PTAFR: variants seen among roughly 807,000 people sequenced by gnomAD.
PTAFR encodes the protein platelet activating factor receptor.
A neutral mutation model predicts 14.7 loss-of-function variants in PTAFR; 8 were observed. That is an observed-to-expected ratio of 0.54 (90% CI 0.32 to 0.98). The LOEUF (loss-of-function observed/expected upper bound fraction) is 0.98, where lower values mean the gene tolerates loss of function less well. Ranked by LOEUF, PTAFR falls within the 50% of genes least tolerant of loss-of-function variation. The pLI is 0.04. For synonymous variants in PTAFR, 156 were observed against 176.5 expected, an observed-to-expected ratio of 0.88 and a Z score of 0.92; for missense variants, 337 against 451.2, an observed-to-expected ratio of 0.75 and a Z score of 2.29.
chr1:28,150,413 G>A lies in PTAFR; in HGVS notation c.609C>T (p.Leu203=), dbSNP rs373615624. ...FSFFLVFLII[L]FCNLVIIRTL... ...TACGGATGATGACCAGGTTGCAGAA[G>A]AGGATGATGAGGAAGACCAGGAAGA... The change falls in exon 2 of 2, where the codon CTC becomes CTT. Residue 203 remains leucine, a synonymous_variant. Coordinates refer to ENST00000373857, the MANE Select transcript of PTAFR (RefSeq NM_000952.5). The surrounding 1 kb of genome is among the most constrained non-coding windows in gnomAD (Gnocchi z 6.3). The A allele has an allele frequency of 1.2e-6, 2 of 1,613,886 alleles. No individual in the cohort carries two copies. The highest frequency in any genetic ancestry group is 1.7e-6 in the Non-Finnish European group (2 of 1,179,926).
chr1:28,163,471 C>G, intron 1 of PTAFR, among the ~76,000 whole-genome samples: 1 of 152,202 alleles, frequency 6.6e-6, no homozygotes, highest in East Asian at 1.9e-4. Flanking sequence ...ACAGTCTCCC[C>G]AGGGGAGCTG....
intron 1 of PTAFR, among the ~76,000 whole-genome samples, chr1:28,155,418 T>C (rs1474200240): frequency 6.6e-6 from 1 of 151,968 alleles, no homozygotes; most frequent in Non-Finnish European, 1.5e-5. Context: ...ACCATGTTGG[T>C]CAGGCTGATC....
chr1:28,155,731 G>A (rs1239465969), intron 1 of PTAFR, among the ~76,000 whole-genome samples: 1 of 151,774 alleles, frequency 6.6e-6, no homozygotes, highest in Non-Finnish European at 1.5e-5. Context: ...AGCAAGGCAT[G>A]GTGGTGCACT....
At chr1:28,167,950 CTTTTTTTTTTT>C (rs33965504) in intron 1 of PTAFR, among the ~76,000 whole-genome samples, 1 of 38,150 alleles carries the variant, frequency 2.6e-5, no homozygotes, top group African/African-American at 1.2e-4. Context: ...AAAACCAGAT[CTTTTTTTTTTT>C]TTTTTTTTTT....
chr1:28,186,227 C>T (rs903670964), intron 1 of PTAFR, among the ~76,000 whole-genome samples: 27 of 152,160 alleles, frequency 1.8e-4, no homozygotes, highest in Admixed American at 1.5e-3. Context: ...TCAGGTGATC[C>T]GCCTTCCTCG....
At chr1:28,178,544 A>T (rs1646536594), upstream of PTAFR, among the ~76,000 whole-genome samples, 1 of 151,960 alleles carries the variant, frequency 6.6e-6, no homozygotes, top group African/African-American at 2.4e-5. Flanking sequence ...TACAGGCATG[A>T]CCCACCGCGC....
At chr1:28,173,437 T>A (rs1646475285) in intron 1 of PTAFR, among the ~76,000 whole-genome samples, 1 of 151,676 alleles carries the variant, frequency 6.6e-6, no homozygotes, top group South Asian at 2.1e-4. Flanking sequence ...AAACCCCACC[T>A]CTACAAAAAA....
intron 1 of PTAFR, among the ~76,000 whole-genome samples, chr1:28,169,343 G>A (rs1479409593): frequency 1.3e-5 from 2 of 151,586 alleles, no homozygotes; most frequent in Admixed American, 6.6e-5. Flanking sequence ...AAATTTGAAA[G>A]TACATTGTGT....
chr1:28,175,493 G>C (rs944408370), intron 1 of PTAFR, among the ~76,000 whole-genome samples: 1 of 151,862 alleles, frequency 6.6e-6, no homozygotes, highest in Non-Finnish European at 1.5e-5. Flanking sequence ...GAACACAGCT[G>C]GGTATTCAGT....
At chr1:28,186,408 A>G (rs1646606836) in intron 1 of PTAFR, among the ~76,000 whole-genome samples, 2 of 152,238 alleles carry the variant, frequency 1.3e-5, no homozygotes, top group Admixed American at 1.3e-4. Context: ...CAAAATACAA[A>G]TTCTTTCCAA....
At chr1:28,158,834 G>A (rs1267161143) in intron 1 of PTAFR, among the ~76,000 whole-genome samples, 5 of 152,192 alleles carry the variant, frequency 3.3e-5, no homozygotes. Flanking sequence ...TGGATTTGGG[G>A]AAGATGGCTT....
intron 1 of PTAFR, among the ~76,000 whole-genome samples, chr1:28,168,218 T>G (rs1051590057): frequency 6.1e-5 from 9 of 147,224 alleles, no homozygotes; most frequent in African/African-American, 2.0e-4. Flanking sequence ...TGATCCGCCC[T>G]CCTCGGCCAC....
At chr1:28,189,076 T>C (rs904973025) in intron 1 of PTAFR, among the ~76,000 whole-genome samples, 2 of 152,260 alleles carry the variant, frequency 1.3e-5, no homozygotes, top group Non-Finnish European at 2.9e-5. Context: ...ACAGTGCAAC[T>C]GCCACTACTA....
At chr1:28,189,111 A>G (rs1396513928) in intron 1 of PTAFR, among the ~76,000 whole-genome samples, 4 of 152,298 alleles carry the variant, frequency 2.6e-5, no homozygotes, top group Non-Finnish European at 5.9e-5. Context: ...TTCATAATCA[A>G]TGCTTGCCAG....
chr1:28,189,437 C>A (rs936436560), intron 1 of PTAFR, among the ~76,000 whole-genome samples: 2 of 151,586 alleles, frequency 1.3e-5, no homozygotes, highest in African/African-American at 4.8e-5. Flanking sequence ...TATGGTAAAA[C>A]CCCATCTCTA....
chr1:28,176,439 T>C (rs1293518443), intron 1 of PTAFR, among the ~76,000 whole-genome samples, 153 bp downstream of exon 1: 1 of 122,532 alleles, frequency 8.2e-6, no homozygotes, highest in Non-Finnish European at 1.7e-5. Flanking sequence ...TGAGAGACCC[T>C]GTCTCAAAAA....
chr1:28,153,409 G>C (rs144304946), intron 1 of PTAFR, among the ~76,000 whole-genome samples: 4 of 151,998 alleles, frequency 2.6e-5, no homozygotes, highest in African/African-American at 9.6e-5. Context: ...ACCCAGCTGG[G>C]GCTAAGCAAG....
intron 1 of PTAFR, among the ~76,000 whole-genome samples, chr1:28,157,761 T>G (rs1197038132): frequency 1.3e-5 from 2 of 151,840 alleles, no homozygotes; most frequent in African/African-American, 4.8e-5. Flanking sequence ...CCCGAGTGGC[T>G]GGGACTACAG....
chr1:28,160,633 TTGGCTTCCC>T (rs1646313353), intron 1 of PTAFR, among the ~76,000 whole-genome samples: 7 of 141,392 alleles, frequency 5.0e-5, no homozygotes, highest in Admixed American at 1.6e-4. Context: ...TATTTCAAAG[TTGGCTTCCC>T]AGGAACCCAA....
Sources: gnomAD v4.1 joint callset for allele counts (sites outside exome capture counted in the v4.1 genomes callset) on GRCh38, gnomAD v4.1.1 for gene constraint, Gnocchi (gnomAD v3.1) non-coding constraint, MANE v1.5 for transcripts, NCBI Gene and HGNC (gene_info 2026-07-23, HGNC 2026-07-21) for gene names.